Variants in CFAP90 observed in about 807,000 individuals in gnomAD.
CFAP90 encodes cilia and flagella associated protein 90, also known as cilia- and flagella-associated protein 90.
chr5:7,841,102 A>C, the CFAP90 span, among the ~76,000 whole-genome samples: 1 of 152,232 alleles, frequency 6.6e-6, no homozygotes, highest in African/African-American at 2.4e-5. Flanking sequence ...TATCTGACAA[A>C]GGTCTAATAT....
chr5:7,832,802 C>T, the CFAP90 span, among the ~76,000 whole-genome samples: 1 of 152,286 alleles, frequency 6.6e-6, no homozygotes, highest in Non-Finnish European at 1.5e-5. Context: ...ATTTCTTTGC[C>T]TTTTTCTCTC....
chr5:7,834,536 C>G, the CFAP90 span, among the ~76,000 whole-genome samples: 32,598 of 152,006 alleles, frequency 0.21, 3,725 homozygotes, highest in Middle Eastern at 0.28. Context: ...ATGAAGTCTA[C>G]GGTAGTGTAC....
the CFAP90 span, among the ~76,000 whole-genome samples, chr5:7,839,563 T>C: frequency 6.6e-6 from 1 of 152,244 alleles, no homozygotes. Context: ...TTCCCTATAT[T>C]GAAGAAGCCC....
the CFAP90 span, among the ~76,000 whole-genome samples, chr5:7,847,428 AG>A: frequency 7.4e-6 from 1 of 134,768 alleles, no homozygotes. Context: ...TCCAGAAGGT[AG>A]TGATACATTA....
the CFAP90 span, chr5:7,851,115 C>T: frequency 1.6e-6 from 2 of 1,215,828 alleles, no homozygotes; most frequent in Non-Finnish European, 2.1e-6. Context: ...TGCTCAGCGC[C>T]AGCGTCTAGC....
chr5:7,849,747 G>A, the CFAP90 span, among the ~76,000 whole-genome samples: 10 of 152,282 alleles, frequency 6.6e-5, no homozygotes, highest in South Asian at 2.1e-4. Context: ...CAGAACAGAG[G>A]GACCACTCTC....
chr5:7,836,091 C>G, the CFAP90 span, among the ~76,000 whole-genome samples: 5 of 152,152 alleles, frequency 3.3e-5, no homozygotes, highest in African/African-American at 4.8e-5. Context: ...TTTATGAGAA[C>G]TCTACCCTCA....
the CFAP90 span, chr5:7,831,713 T>C: frequency 1.2e-6 from 1 of 812,754 alleles, no homozygotes; most frequent in Non-Finnish European, 1.9e-6. Flanking sequence ...TGTCCCACTG[T>C]AGAGATGCAA....
the CFAP90 span, among the ~76,000 whole-genome samples, chr5:7,841,247 T>C: frequency 1.3e-5 from 2 of 152,210 alleles, no homozygotes; most frequent in South Asian, 2.1e-4. Flanking sequence ...TCACTGATCA[T>C]TAGAGAAACG....
the CFAP90 span, among the ~76,000 whole-genome samples, chr5:7,848,020 C>T: frequency 2.0e-5 from 3 of 152,286 alleles, no homozygotes; most frequent in South Asian, 6.2e-4. Flanking sequence ...AAAAACACTC[C>T]TTATTTTTTC....
At chr5:7,848,221 A>G in the CFAP90 span, among the ~76,000 whole-genome samples, 1 of 152,180 alleles carries the variant, frequency 6.6e-6, no homozygotes, top group Non-Finnish European at 1.5e-5. Context: ...GAGATTGGGA[A>G]CTTACCATTC....
At chr5:7,841,896 T>C in the CFAP90 span, among the ~76,000 whole-genome samples, 1 of 152,068 alleles carries the variant, frequency 6.6e-6, no homozygotes, top group Non-Finnish European at 1.5e-5. Context: ...ACTACCTGGG[T>C]GATGGGATGA....
At chr5:7,844,585 T>A in the CFAP90 span, among the ~76,000 whole-genome samples, 2 of 152,122 alleles carry the variant, frequency 1.3e-5, no homozygotes, top group African/African-American at 4.8e-5. Flanking sequence ...GCAGGTTAGA[T>A]ACTAATAGGC....
chr5:7,844,670 A>G, the CFAP90 span, among the ~76,000 whole-genome samples: 4 of 152,216 alleles, frequency 2.6e-5, no homozygotes, highest in African/African-American at 7.2e-5. Flanking sequence ...GGGCCAGTAC[A>G]AATTCTTTTG....
the CFAP90 span, among the ~76,000 whole-genome samples, chr5:7,835,935 G>A: frequency 0.21 from 32,601 of 152,066 alleles, 3,726 homozygotes; most frequent in Middle Eastern, 0.28. Flanking sequence ...TGGAGGCTGC[G>A]AAGTCCAAGT....
At chr5:7,848,039 A>G in the CFAP90 span, among the ~76,000 whole-genome samples, 2 of 152,228 alleles carry the variant, frequency 1.3e-5, no homozygotes, top group African/African-American at 2.4e-5. Flanking sequence ...TCCACTGTTT[A>G]TCTCATGCGG....
the CFAP90 span, among the ~76,000 whole-genome samples, chr5:7,848,750 C>T: frequency 7.9e-5 from 12 of 152,160 alleles, no homozygotes; most frequent in Non-Finnish European, 1.5e-4. Context: ...ATCCTGTTCT[C>T]GTGATAGTGA....
At chr5:7,850,979 C>G in the CFAP90 span, 1 of 1,307,062 alleles carries the variant, frequency 7.7e-7, no homozygotes, top group East Asian at 2.9e-5. Context: ...CTGGGCTTGC[C>G]CCGCAGCGTG....
At chr5:7,845,586 A>G in the CFAP90 span, among the ~76,000 whole-genome samples, 5 of 152,252 alleles carry the variant, frequency 3.3e-5, no homozygotes, top group African/African-American at 1.2e-4. Flanking sequence ...GAATTTAATC[A>G]AAACCTTCAT....
Sources: allele counts gnomAD v4.1 joint callset (sites outside exome capture counted in the v4.1 genomes callset), GRCh38; gene constraint gnomAD v4.1.1; transcripts MANE v1.5; gene names NCBI Gene and HGNC (gene_info 2026-07-23, HGNC 2026-07-21).